ERBB4: variants seen among roughly 807,000 people sequenced by gnomAD.
ERBB4 encodes the protein erb-b2 receptor tyrosine kinase 4.
ERBB4 carries 42 observed loss-of-function variants against 158.0 expected under a neutral mutation model. The observed-to-expected ratio is 0.27, with a 90% CI of 0.21 to 0.34. ERBB4 has a LOEUF of 0.34. Ranked by LOEUF, ERBB4 falls within the 10% of genes least tolerant of loss-of-function variation. The pLI, the probability that ERBB4 is intolerant of heterozygous loss-of-function variation, is 1.00. For missense variants in ERBB4, 1,333 were observed against 1,624.1 expected (o/e 0.82, Z 3.08); for synonymous variants, 583 against 558.7 (o/e 1.04, Z -0.61).
intron 19 of ERBB4, among the ~76,000 whole-genome samples, chr2:211,608,335 G>A (rs2069067396): frequency 6.6e-6 from 1 of 152,112 alleles, no homozygotes; most frequent in Admixed American, 6.6e-5. Flanking sequence ...TGGCCCACCT[G>A]CCTCTCATTT....
chr2:211,713,908 T>G (rs2073805325), intron 7 of ERBB4, among the ~76,000 whole-genome samples: 2 of 152,212 alleles, frequency 1.3e-5, no homozygotes, highest in African/African-American at 4.8e-5. Flanking sequence ...AGTAGATTTC[T>G]TTTATATACT....
chr2:212,382,311 A>C (rs544370941), intron 1 of ERBB4, among the ~76,000 whole-genome samples: 6 of 150,590 alleles, frequency 4.0e-5, no homozygotes, highest in African/African-American at 1.2e-4. Flanking sequence ...CATATTATAC[A>C]CACATGTATA....
chr2:212,274,161 C>T (rs972531634), intron 1 of ERBB4, among the ~76,000 whole-genome samples: 4 of 151,802 alleles, frequency 2.6e-5, no homozygotes, highest in African/African-American at 9.7e-5. Flanking sequence ...TGTATATTAT[C>T]TCTTTACAAG....
At chr2:211,886,747 C>A (rs1250155167) in intron 3 of ERBB4, among the ~76,000 whole-genome samples, 3 of 152,058 alleles carry the variant, frequency 2.0e-5, no homozygotes, top group Non-Finnish European at 4.4e-5. Context: ...AGCCTGTACT[C>A]TTTCTTCTCT....
At chr2:212,067,082 A>G (rs1389521430) in intron 2 of ERBB4, among the ~76,000 whole-genome samples, 1 of 152,042 alleles carries the variant, frequency 6.6e-6, no homozygotes, top group Non-Finnish European at 1.5e-5. Context: ...CATTAAAGCT[A>G]TCTATAGTTT....
At chr2:211,820,089 T>G (rs1474742651) in intron 3 of ERBB4, among the ~76,000 whole-genome samples, 1 of 151,894 alleles carries the variant, frequency 6.6e-6, no homozygotes, top group African/African-American at 2.4e-5. Flanking sequence ...TTCTAATGGT[T>G]AATTGAGTAA....
intron 1 of ERBB4, among the ~76,000 whole-genome samples, chr2:212,219,395 G>A (rs2083215010): frequency 6.6e-6 from 1 of 151,122 alleles, no homozygotes; most frequent in South Asian, 2.1e-4. Context: ...TTTAAAAACT[G>A]CTAAACAAGC....
intron 1 of ERBB4, among the ~76,000 whole-genome samples, chr2:212,369,697 C>CT (rs1043772499): frequency 6.6e-6 from 1 of 151,866 alleles, no homozygotes; most frequent in Admixed American, 6.6e-5. Context: ...AATACACTAC[C>CT]TTTTTTTATT....
chr2:211,464,777 G>C (rs2064631491), intron 20 of ERBB4, among the ~76,000 whole-genome samples: 1 of 151,762 alleles, frequency 6.6e-6, no homozygotes, highest in South Asian at 2.1e-4. Flanking sequence ...ATTTTAACTT[G>C]ATACAACAGG....
At chr2:212,161,908 T>C (rs934458834) in intron 1 of ERBB4, among the ~76,000 whole-genome samples, 2 of 151,872 alleles carry the variant, frequency 1.3e-5, no homozygotes, top group African/African-American at 4.8e-5. Context: ...TTTGCTTCCA[T>C]TTTTCATCAG....
chr2:211,742,107 A>T (rs1575080513), intron 5 of ERBB4, among the ~76,000 whole-genome samples: 1 of 152,160 alleles, frequency 6.6e-6, no homozygotes, highest in African/African-American at 2.4e-5. Flanking sequence ...TTAATTAAAG[A>T]TGTTGGCGTG....
At chr2:211,485,761 T>C (rs991325531) in intron 20 of ERBB4, among the ~76,000 whole-genome samples, 2 of 151,178 alleles carry the variant, frequency 1.3e-5, no homozygotes. Flanking sequence ...TAATGTTAAA[T>C]GACGAGTTAA....
chr2:211,985,682 A>AT (rs2081920025), intron 2 of ERBB4, among the ~76,000 whole-genome samples: 1 of 151,916 alleles, frequency 6.6e-6, no homozygotes, highest in Non-Finnish European at 1.5e-5. Flanking sequence ...AATTTAAATT[A>AT]TTATAAAATA....
chr2:211,557,557 C>A lies in ERBB4; in HGVS notation c.2487+4346G>T, dbSNP rs1184005393. On this transcript the variant is annotated intron_variant, in intron 20 of 27. Coordinates refer to ENST00000342788, the MANE Select transcript of ERBB4 (RefSeq NM_005235.3). ...ATTAGAGAAATGCAAATCAAAACCA[C>A]AAAAAGATACCATTTCACACCAGTC... is the stretch of plus-strand genomic sequence containing the variant. Among the ~76,000 whole-genome samples the A allele has an allele frequency of 2.6e-5, 4 of 151,872 alleles. No homozygotes were observed. In the East Asian group the frequency reaches 7.8e-4, roughly 29 times the overall value.
chr2:211,972,401 T>C (rs1358286203), intron 2 of ERBB4, among the ~76,000 whole-genome samples: 1 of 152,148 alleles, frequency 6.6e-6, no homozygotes, highest in Non-Finnish European at 1.5e-5. Context: ...TAGAGAAAAC[T>C]ATTTTAAAAT....
At chr2:211,393,843 A>G (rs539970928) in intron 25 of ERBB4, among the ~76,000 whole-genome samples, 1 of 151,828 alleles carries the variant, frequency 6.6e-6, no homozygotes, top group East Asian at 1.9e-4. Context: ...GTATATATAC[A>G]TTTACCTACC....
In ERBB4 at chr2:212,331,071, T is replaced by TATATATATATATATATATATAC. The variant is rs147932949; in HGVS notation, c.83-206169_83-206168insGTATATATATATATATATATAT. Reference sequence around the variant, plus strand: ...TATTTGTAATTTGTATATATATATATACACATATATATATATGCCCATAAC... The same window carrying TATATATATATATATATATATAC: ...TATTTGTAATTTGTATATATATATATATATATATATATATATATATACACACATATATATATATGCCCATAAC... On this transcript the variant is annotated intron_variant, in intron 1 of 27. Coordinates refer to ENST00000342788, the MANE Select transcript of ERBB4 (RefSeq NM_005235.3). Among the ~76,000 whole-genome samples the TATATATATATATATATATATAC allele has an allele frequency of 1.4e-3, 174 of 120,056 alleles. 8 individuals carry two copies. Among genetic ancestry groups the TATATATATATATATATATATAC allele is most frequent in the South Asian group, 9.8e-3 (35 of 3,556 alleles). 78.8% of individuals were successfully genotyped at this position (120,056 alleles called of 152,430 possible).
chr2:212,312,324 T>A (rs1227381202), intron 1 of ERBB4, among the ~76,000 whole-genome samples: 1 of 151,044 alleles, frequency 6.6e-6, no homozygotes, highest in Non-Finnish European at 1.5e-5. Context: ...TACTTGAATT[T>A]TTTTTAATTT....
chr2:212,521,536 T>G (rs1692160773), intron 1 of ERBB4, among the ~76,000 whole-genome samples: 2 of 151,924 alleles, frequency 1.3e-5, no homozygotes, highest in Non-Finnish European at 2.9e-5. Flanking sequence ...ACTTTAAATT[T>G]ATGATGTTTC....
Sources: allele counts gnomAD v4.1 joint callset (sites outside exome capture counted in the v4.1 genomes callset), GRCh38; gene constraint gnomAD v4.1.1; transcripts MANE v1.5; gene names NCBI Gene and HGNC (gene_info 2026-07-23, HGNC 2026-07-21).